LRMDA: variants seen among roughly 807,000 people sequenced by gnomAD.
LRMDA encodes the protein leucine-rich melanocyte differentiation-associated protein.
LRMDA carries 18 observed loss-of-function variants against 29.8 expected under a neutral mutation model. The ratio of observed to expected loss-of-function variants is 0.60; its 90% CI spans 0.42 to 0.90. The LOEUF is 0.90. LRMDA is among the 40% of genes least tolerant of loss of function. The pLI is 0.00. For missense variants in LRMDA, 273 were observed against 273.9 expected, an observed-to-expected ratio of 1.00 and a Z score of 0.02; for synonymous variants, 125 against 109.4, an observed-to-expected ratio of 1.14 and a Z score of -0.89.
chr10:75,833,999 G>A (rs1391989208), intron 2 of LRMDA, among the ~76,000 whole-genome samples: 2 of 152,134 alleles, frequency 1.3e-5, no homozygotes, highest in East Asian at 3.9e-4. Context: ...CTGGGCTTGA[G>A]GCTCCACCCA....
At chr10:75,607,612 T>G (rs568434068) in intron 2 of LRMDA, among the ~76,000 whole-genome samples, 36 of 152,312 alleles carry the variant, frequency 2.4e-4, no homozygotes, top group South Asian at 1.7e-3. Context: ...TGTAAACAAA[T>G]GCTAAAGCAT....
chr10:76,438,377 G>T (rs1842266743), intron 6 of LRMDA, among the ~76,000 whole-genome samples: 1 of 152,142 alleles, frequency 6.6e-6, no homozygotes, highest in African/African-American at 2.4e-5. Context: ...AATACTCATT[G>T]CATGACAGAA....
chr10:75,795,876 T>C (rs1462889000), intron 2 of LRMDA, among the ~76,000 whole-genome samples: 1 of 152,220 alleles, frequency 6.6e-6, no homozygotes, highest in Admixed American at 6.5e-5. Flanking sequence ...ATGTATTACA[T>C]CTTTCCATGT....
rs1483381919 is a variant in LRMDA, at chr10:76,013,101, G to C, written c.132-22907G>C. Among the ~76,000 whole-genome samples the C allele has an allele frequency of 3.3e-5, 5 of 152,158 alleles. No homozygotes were observed. The East Asian group carries it at 7.7e-4, about 23-fold the overall frequency. The stretch of plus-strand genomic sequence containing the variant: ...ATTACCTCAGCAGAAAATGTTGGAA[G>C]CTTAAAGGATTTGTGTCAGCAAGTG... On this transcript the variant is annotated intron_variant, in intron 2 of 6. Transcript: ENST00000611255.
At chr10:76,489,475 T>C (rs1190029991) in intron 6 of LRMDA, among the ~76,000 whole-genome samples, 2 of 151,960 alleles carry the variant, frequency 1.3e-5, no homozygotes. Context: ...TTTAATTTCA[T>C]TGATCTTTTG....
chr10:75,980,086 C>G (rs1435194031), intron 2 of LRMDA, among the ~76,000 whole-genome samples: 1 of 152,208 alleles, frequency 6.6e-6, no homozygotes, highest in Non-Finnish European at 1.5e-5. Context: ...TGTCCTCACA[C>G]TGGCATGTCC....
At chr10:76,209,504 G>T (rs576986990) in intron 5 of LRMDA, among the ~76,000 whole-genome samples, 29 of 152,302 alleles carry the variant, frequency 1.9e-4, no homozygotes, top group Non-Finnish European at 3.7e-4. Context: ...GTGATCCATG[G>T]CTCCTGTGAG....
chr10:76,556,769 A>T (rs2579765), intron 6 of LRMDA, among the ~76,000 whole-genome samples: 124,780 of 151,782 alleles, frequency 0.82, 53,664 homozygotes, highest in Non-Finnish European at 0.97. Flanking sequence ...ACATTGCTTC[A>T]TGATAAAGGG....
chr10:76,551,612 G>T (rs1200634441), intron 6 of LRMDA, among the ~76,000 whole-genome samples: 2 of 152,102 alleles, frequency 1.3e-5, no homozygotes, highest in African/African-American at 4.8e-5. Flanking sequence ...ATGCATTTTT[G>T]ATTTACAATA....
chr10:76,444,776 A>T (rs1036683835), intron 6 of LRMDA, among the ~76,000 whole-genome samples: 22 of 152,130 alleles, frequency 1.4e-4, no homozygotes, highest in African/African-American at 5.3e-4. Flanking sequence ...AAGAAGGACA[A>T]TGGGGAAAAA....
At chr10:76,488,188 C>G (rs1426082633) in intron 6 of LRMDA, among the ~76,000 whole-genome samples, 1 of 151,570 alleles carries the variant, frequency 6.6e-6, no homozygotes, top group Non-Finnish European at 1.5e-5. Flanking sequence ...TTTTCTTTTC[C>G]TTTTCTATAG....
chr10:75,816,655 A>G (rs1386309051), intron 2 of LRMDA, among the ~76,000 whole-genome samples: 1 of 152,230 alleles, frequency 6.6e-6, no homozygotes, highest in Non-Finnish European at 1.5e-5. Context: ...TCTTATTGTA[A>G]GTAACAGAAG....
At chr10:76,209,174 TA>T (rs978163726) in intron 5 of LRMDA, among the ~76,000 whole-genome samples, 20 of 151,114 alleles carry the variant, frequency 1.3e-4, no homozygotes, top group Admixed American at 9.2e-4. Context: ...ATGAATAAAA[TA>T]AAAAAAAACT....
chr10:76,349,142 A>T (rs186188495), intron 6 of LRMDA, among the ~76,000 whole-genome samples: 13 of 152,330 alleles, frequency 8.5e-5, no homozygotes, highest in Non-Finnish European at 1.9e-4. Context: ...GAGAATGTTG[A>T]ATATGAAGTA....
At chr10:75,933,142 T>C (rs1317643254) in intron 2 of LRMDA, among the ~76,000 whole-genome samples, 3 of 152,116 alleles carry the variant, frequency 2.0e-5, no homozygotes, top group African/African-American at 4.8e-5. Flanking sequence ...TTTAAGGAAG[T>C]TGTGGACAGG....
At chr10:76,132,915 G>A (rs1282108238) in intron 5 of LRMDA, among the ~76,000 whole-genome samples, 2 of 142,258 alleles carry the variant, frequency 1.4e-5, no homozygotes, top group East Asian at 2.1e-4. Flanking sequence ...CCATTCTCCC[G>A]CCTCAGCCTC....
intron 2 of LRMDA, among the ~76,000 whole-genome samples, chr10:75,749,512 C>T (rs78998434): frequency 6.6e-6 from 1 of 151,384 alleles, no homozygotes; most frequent in African/African-American, 2.4e-5. Context: ...ATTATATATG[C>T]ATGTGTATAT....
At chr10:75,795,938 T>G (rs1481696508) in intron 2 of LRMDA, among the ~76,000 whole-genome samples, 1 of 152,202 alleles carries the variant, frequency 6.6e-6, no homozygotes, top group African/African-American at 2.4e-5. Flanking sequence ...CTTTAGTTAC[T>G]TTTATTATTA....
chr10:75,725,404 G>A (rs1181033720), intron 2 of LRMDA, among the ~76,000 whole-genome samples: 1 of 152,198 alleles, frequency 6.6e-6, no homozygotes, highest in Non-Finnish European at 1.5e-5. Context: ...CTAGTCAAAG[G>A]GTCCTTTAAA....
Sources: gnomAD v4.1 joint callset for allele counts (sites outside exome capture counted in the v4.1 genomes callset) on GRCh38, gnomAD v4.1.1 for gene constraint, MANE v1.5 for transcripts, NCBI Gene and HGNC (gene_info 2026-07-23, HGNC 2026-07-21) for gene names.